NAALADL2: variants seen among roughly 807,000 people sequenced by gnomAD.
The protein encoded by NAALADL2 is inactive N-acetylated-alpha-linked acidic dipeptidase-like protein 2.
NAALADL2 carries 76 observed loss-of-function variants against 87.2 expected under a neutral mutation model. The observed-to-expected ratio is 0.87, with a 90% CI of 0.72 to 1.05. The LOEUF (loss-of-function observed/expected upper bound fraction) is 1.05, where lower values mean the gene tolerates loss of function less well. Among genes scored for constraint, NAALADL2 ranks in the 50% least tolerant of loss-of-function variants. The pLI is 0.00. For synonymous variants in NAALADL2, 354 were observed against 331.0 expected (o/e 1.07, Z -0.75); for missense variants, 1,089 against 945.8 (o/e 1.15, Z -1.99).
At chr3:175,326,057 G>A (rs560006691) in intron 5 of NAALADL2, among the ~76,000 whole-genome samples, 4 of 151,950 alleles carry the variant, frequency 2.6e-5, no homozygotes, top group Non-Finnish European at 5.9e-5. Context: ...TCATTTTACT[G>A]TAAACAGTCA....
At chr3:175,054,780 C>T (rs1580214637) in intron 1 of NAALADL2, among the ~76,000 whole-genome samples, 1 of 152,286 alleles carries the variant, frequency 6.6e-6, no homozygotes, top group East Asian at 1.9e-4. Context: ...AGTCCCCTAA[C>T]AGGGACATAC....
intron 5 of NAALADL2, among the ~76,000 whole-genome samples, chr3:175,371,525 T>C (rs1392061950): frequency 6.6e-6 from 1 of 152,084 alleles, no homozygotes; most frequent in African/African-American, 2.4e-5. Context: ...GCTACAAAAG[T>C]CCTTTGAGAA....
At chr3:175,414,201 A>G (rs4396902) in intron 5 of NAALADL2, among the ~76,000 whole-genome samples, 114,271 of 152,140 alleles carry the variant, frequency 0.75, 43,145 homozygotes, top group East Asian at 0.87. Flanking sequence ...TTTGCCAATC[A>G]GCCTGCTGAC....
At chr3:174,513,714 T>C (rs1719751280) in intron 1 of NAALADL2, 1 of 152,198 alleles carries the variant, frequency 6.6e-6, no homozygotes, top group South Asian at 2.1e-4. Flanking sequence ...GAAATTCATC[T>C]TCATTTACAA....
chr3:175,084,360 T>C (rs1718456096), intron 1 of NAALADL2, among the ~76,000 whole-genome samples: 1 of 152,100 alleles, frequency 6.6e-6, no homozygotes, highest in Non-Finnish European at 1.5e-5. Flanking sequence ...GTCTAAAGGG[T>C]CGAGATAGCT....
At chr3:175,424,199 T>C (rs1368994593) in intron 5 of NAALADL2, among the ~76,000 whole-genome samples, 2 of 152,212 alleles carry the variant, frequency 1.3e-5, no homozygotes, top group Non-Finnish European at 2.9e-5. Flanking sequence ...TTTGTCCCAT[T>C]CTGTAGGTTG....
chr3:175,432,290 T>C (rs1717888961), intron 5 of NAALADL2, among the ~76,000 whole-genome samples: 1 of 152,052 alleles, frequency 6.6e-6, no homozygotes, highest in Admixed American at 6.6e-5. Context: ...AAATGGGATC[T>C]ATTTTTACTG....
At chr3:175,670,402 A>T (rs1733777809) in intron 11 of NAALADL2, among the ~76,000 whole-genome samples, 1 of 145,774 alleles carries the variant, frequency 6.9e-6, no homozygotes, top group Non-Finnish European at 1.5e-5. Context: ...ATTATATTAA[A>T]TTTACATTAA....
At chr3:175,261,369 T>G (rs905413656) in intron 4 of NAALADL2, among the ~76,000 whole-genome samples, 1 of 152,136 alleles carries the variant, frequency 6.6e-6, no homozygotes, top group Non-Finnish European at 1.5e-5. Flanking sequence ...AAAAAGTTAC[T>G]GTGTACTACA....
At chr3:174,550,769 G>C (rs1034037758) in intron 2 of NAALADL2, 2 of 151,912 alleles carry the variant, frequency 1.3e-5, no homozygotes, top group Non-Finnish European at 2.9e-5. Context: ...GTTTCAGAAA[G>C]GAAAGTTTAT....
chr3:175,754,067 G>A (rs1746937837), intron 12 of NAALADL2, among the ~76,000 whole-genome samples: 1 of 152,146 alleles, frequency 6.6e-6, no homozygotes, highest in South Asian at 2.1e-4. Flanking sequence ...GAAGATGTGA[G>A]GGAATGCCCC....
At chr3:175,543,541 G>A (rs1712757143) in intron 9 of NAALADL2, among the ~76,000 whole-genome samples, 1 of 152,134 alleles carries the variant, frequency 6.6e-6, no homozygotes, top group Non-Finnish European at 1.5e-5. Context: ...GACAATTATG[G>A]CAGAAGGGGA....
chr3:175,097,323 T>A (rs1385769533), intron 2 of NAALADL2, 32 bp downstream of exon 2: 1 of 1,573,080 alleles, frequency 6.4e-7, no homozygotes, highest in Non-Finnish European at 8.6e-7. Flanking sequence ...GTTGTTTGAA[T>A]GCATTTCTTG....
intron 3 of NAALADL2, among the ~76,000 whole-genome samples, chr3:174,832,051 A>G (rs1441798485): frequency 1.3e-5 from 2 of 152,118 alleles, no homozygotes; most frequent in African/African-American, 2.4e-5. Context: ...GATCCTTTCA[A>G]AAAACCAGCT....
At chr3:175,412,891 T>TTA (rs1553887808) in intron 5 of NAALADL2, among the ~76,000 whole-genome samples, 12 of 123,008 alleles carry the variant, frequency 9.8e-5, no homozygotes, top group South Asian at 5.9e-4. Flanking sequence ...ATTTAATTTA[T>TTA]TTATTATTAT....
intron 10 of NAALADL2, 121 bp from the exon 11 acceptor site, chr3:175,627,170 C>G (rs1727099334): frequency 1.4e-6 from 1 of 704,706 alleles, no homozygotes; most frequent in Admixed American, 2.9e-5. Flanking sequence ...TGAAATCCAG[C>G]AATCAACAGA....
At chr3:175,530,143 G>T (rs1399039176) in intron 9 of NAALADL2, among the ~76,000 whole-genome samples, 3 of 152,178 alleles carry the variant, frequency 2.0e-5, no homozygotes, top group Non-Finnish European at 4.4e-5. Flanking sequence ...GATGACAGGG[G>T]TGGCTGGGGA....
At chr3:174,997,872 G>T (rs1482446988) in intron 1 of NAALADL2, among the ~76,000 whole-genome samples, 1 of 147,898 alleles carries the variant, frequency 6.8e-6, no homozygotes, top group Non-Finnish European at 1.5e-5. Context: ...ACAACAGAAA[G>T]AGGGTGATAT....
chr3:175,166,852 C>G (rs1734078557), intron 2 of NAALADL2, among the ~76,000 whole-genome samples: 1 of 152,076 alleles, frequency 6.6e-6, no homozygotes, highest in African/African-American at 2.4e-5. Context: ...TTTCCCCTCA[C>G]AGTGTCATAA....
Sources: allele counts gnomAD v4.1 joint callset (sites outside exome capture counted in the v4.1 genomes callset), GRCh38; gene constraint gnomAD v4.1.1; transcripts MANE v1.5; gene names NCBI Gene and HGNC (gene_info 2026-07-23, HGNC 2026-07-21).